ABI1: variants seen among roughly 807,000 people sequenced by gnomAD.
ABI1 encodes the protein Abelson interactor 1.
In ABI1, 14 loss-of-function variants were observed where a neutral mutation model predicts 54.6. That is an observed-to-expected ratio of 0.26 (90% CI 0.17 to 0.40). ABI1 has a LOEUF of 0.40. ABI1 is among the 10% of genes least tolerant of loss of function. ABI1 has a pLI of 1.00. For missense variants in ABI1, 443 were observed against 598.3 expected (o/e 0.74, Z 2.71); for synonymous variants, 194 against 209.3 (o/e 0.93, Z 0.63).
intron 1 of ABI1, among the ~76,000 whole-genome samples, chr10:26,852,757 T>C (rs1009612630): frequency 6.6e-6 from 1 of 152,144 alleles, no homozygotes; most frequent in Non-Finnish European, 1.5e-5. Flanking sequence ...AAAGGTAAAT[T>C]GAAGTTTTTC....
Position 26,748,743 on chromosome 10 carries a change from C to A in ABI1, c.1273G>T (p.Val425Phe). The A allele has an allele frequency of 6.2e-7, 1 of 1,606,470 alleles. No homozygotes were observed. The highest frequency in any genetic ancestry group is 1.1e-5 in the South Asian group (1 of 90,330). ...TCTTTTGTATAATCATATATTGCAA[C>A]AACTATGGAAAAAACAGTTGAAATA... ...WAPKNYIEKV[V>F]AIYDYTKDKD... The change falls in exon 11 of 11, where the codon GTT becomes TTT. Residue 425 changes from valine to phenylalanine, a missense_variant and splice_region_variant. Physicochemically the swap from Val to Phe is conservative, Grantham distance 50 (BLOSUM62 -1). Around this residue, in one of 2 missense-constraint regions of ABI1, gnomAD observed 49 missense variants for 113.5 expected, o/e 0.43. Transcript: ENST00000376140.
chr10:26,748,084 AG>A lies in ABI1; in HGVS notation c.*485del, dbSNP rs201316491. 6.2e-3 allele frequency: 1,298 copies of A among 208,372 alleles called. 40 individuals are homozygous for A. The East Asian group carries it at 0.071, about 11-fold the overall frequency. The allele number at this position is 208,372 out of a possible 1,614,324, so 12.9% of individuals were successfully genotyped here. A position where few individuals can be genotyped will look rare whatever the true frequency, so the allele number is the denominator to read the frequency against. On this transcript the variant is annotated 3_prime_UTR_variant, in exon 11 of 11. Transcript: ENST00000376140. Reference sequence around the variant, plus strand: ...AAATGGGAAGCATCTTGAATTTTTAAGTATATTTCAATACATAAATTTTTAT... The same window carrying A: ...AAATGGGAAGCATCTTGAATTTTTAATATATTTCAATACATAAATTTTTAT...
intron 8 of ABI1, among the ~76,000 whole-genome samples, chr10:26,757,020 A>AG (rs927226863): frequency 2.2e-4 from 34 of 152,164 alleles, no homozygotes; most frequent in African/African-American, 8.2e-4. Flanking sequence ...AAAAGGTTAG[A>AG]GGTTTTGACT....
At chr10:26,831,169 C>T (rs1359761500) in intron 1 of ABI1, among the ~76,000 whole-genome samples, 20 of 152,204 alleles carry the variant, frequency 1.3e-4, no homozygotes, top group Admixed American at 1.3e-3. Flanking sequence ...TCTGTCACAA[C>T]ATATTTGTCT....
intron 7 of ABI1, chr10:26,763,947 G>T: frequency 1.9e-6 from 3 of 1,611,730 alleles, no homozygotes; most frequent in Non-Finnish European, 2.5e-6. Flanking sequence ...AAGGAGGAGG[G>T]ACAGAAATGT....
intron 6 of ABI1, among the ~76,000 whole-genome samples, chr10:26,765,945 T>C (rs1195569455): frequency 6.6e-6 from 1 of 152,128 alleles, no homozygotes; most frequent in Non-Finnish European, 1.5e-5. Context: ...AAACCTGCTA[T>C]GAAGAGCAGT....
intron 3 of ABI1, among the ~76,000 whole-genome samples, chr10:26,772,852 T>C (rs1588828800): frequency 6.6e-6 from 1 of 151,890 alleles, no homozygotes; most frequent in Admixed American, 6.6e-5. Context: ...GCAGGTGGAC[T>C]GCTTGAGCCC....
At chr10:26,829,212 C>T (rs1308163489) in intron 1 of ABI1, among the ~76,000 whole-genome samples, 1 of 147,422 alleles carries the variant, frequency 6.8e-6, no homozygotes, top group South Asian at 2.2e-4. Context: ...GGTGACAGAG[C>T]GAGATTCTGT....
At chr10:26,758,790 G>A (rs572655079) in intron 8 of ABI1, among the ~76,000 whole-genome samples, 163 of 152,096 alleles carry the variant, frequency 1.1e-3, no homozygotes, top group African/African-American at 3.6e-3. Flanking sequence ...TAATAAAATC[G>A]CATATTAAAG....
At chr10:26,753,029 T>G (rs758070897) in intron 9 of ABI1, among the ~76,000 whole-genome samples, 2 of 152,176 alleles carry the variant, frequency 1.3e-5, no homozygotes, top group Admixed American at 1.3e-4. Context: ...ATCTGTCATA[T>G]AGGTTTAAAC....
At chr10:26,778,271 CAT>C (rs1841675572) in intron 2 of ABI1, among the ~76,000 whole-genome samples, 1 of 152,104 alleles carries the variant, frequency 6.6e-6, no homozygotes, top group Admixed American at 6.5e-5. Flanking sequence ...GTAACCAGCA[CAT>C]GAGAAATAAT....
chr10:26,755,506 C>T, intron 9 of ABI1, 149 bp downstream of exon 9: 1 of 569,884 alleles, frequency 1.8e-6, no homozygotes. Context: ...AAACTGAAGA[C>T]CGTGCTCTTC....
chr10:26,793,251 G>A (rs1228918769), intron 2 of ABI1, among the ~76,000 whole-genome samples: 3 of 152,166 alleles, frequency 2.0e-5, no homozygotes, highest in East Asian at 1.9e-4. Flanking sequence ...GAAGCCTTCA[G>A]CCAAGAAAGA....
chr10:26,804,796 A>G (rs1169502127), intron 2 of ABI1, among the ~76,000 whole-genome samples: 2 of 152,224 alleles, frequency 1.3e-5, no homozygotes, highest in East Asian at 1.9e-4. Context: ...TTATGACTCC[A>G]AAATACACCA....
chr10:26,834,730 G>C (rs946925347), intron 1 of ABI1, among the ~76,000 whole-genome samples: 2 of 152,152 alleles, frequency 1.3e-5, no homozygotes, highest in African/African-American at 4.8e-5. Flanking sequence ...ACTTTGGGAG[G>C]CCAAGGCAGG....
chr10:26,852,244 C>A (rs1371438707), intron 1 of ABI1, among the ~76,000 whole-genome samples: 1 of 152,132 alleles, frequency 6.6e-6, no homozygotes, highest in African/African-American at 2.4e-5. Context: ...TTTTGGGAGG[C>A]CGAGATGGGT....
chr10:26,761,642 A>G (rs1160086989), intron 7 of ABI1, among the ~76,000 whole-genome samples: 2 of 117,720 alleles, frequency 1.7e-5, no homozygotes, highest in African/African-American at 6.8e-5. Flanking sequence ...ATATATATAT[A>G]TATATATATA....
At chr10:26,796,163 G>A (rs562387748) in intron 2 of ABI1, among the ~76,000 whole-genome samples, 1 of 152,218 alleles carries the variant, frequency 6.6e-6, no homozygotes, top group African/African-American at 2.4e-5. Flanking sequence ...ATTTTGGGGG[G>A]AAAGGAGAGG....
At chr10:26,790,215 T>C (rs1397288210) in intron 2 of ABI1, among the ~76,000 whole-genome samples, 1 of 152,204 alleles carries the variant, frequency 6.6e-6, no homozygotes, top group Non-Finnish European at 1.5e-5. Context: ...CACACTGTCT[T>C]CCACAATGGT....
Sources: allele counts gnomAD v4.1 joint callset (sites outside exome capture counted in the v4.1 genomes callset), GRCh38; gene constraint gnomAD v4.1.1; regional missense constraint gnomAD v4.1.1; transcripts MANE v1.5; gene names NCBI Gene and HGNC (gene_info 2026-07-23, HGNC 2026-07-21).